Variants in ELF2 observed in about 807,000 individuals in gnomAD.
ELF2 encodes ETS-related transcription factor Elf-2.
A neutral mutation model predicts 54.8 loss-of-function variants in ELF2; 11 were observed. That is an observed-to-expected ratio of 0.20 (90% CI 0.13 to 0.33). The LOEUF (loss-of-function observed/expected upper bound fraction) is 0.33. Among genes scored for constraint, ELF2 ranks in the 10% least tolerant of loss-of-function variants. The pLI is 1.00. For synonymous variants in ELF2, 203 were observed against 245.1 expected (o/e 0.83, Z 1.61); for missense variants, 513 against 703.0 (o/e 0.73, Z 3.06).
At chr4:139,106,166 T>A (rs1169431046) in intron 4 of ELF2, among the ~76,000 whole-genome samples, 1 of 152,236 alleles carries the variant, frequency 6.6e-6, no homozygotes, top group Non-Finnish European at 1.5e-5. Context: ...ATATATTAAA[T>A]GTTCAGCCAA....
At chr4:139,094,717 GGAGA>G (rs1052990123) in intron 4 of ELF2, among the ~76,000 whole-genome samples, 4 of 86,004 alleles carry the variant, frequency 4.7e-5, no homozygotes, top group Non-Finnish European at 8.5e-5. Flanking sequence ...TATTTCTGAG[GGAGA>G]AAGATAAGAC....
At chr4:139,148,316 ATTTTTTTTTTTTT>A (rs772079635) in intron 1 of ELF2, among the ~76,000 whole-genome samples, 926 of 64,600 alleles carry the variant, frequency 0.014, 12 homozygotes, top group African/African-American at 0.05. Context: ...TACCTGGCTA[ATTTTTTTTTTTTT>A]TTTTTTTTTT....
At chr4:139,079,521 T>C (rs1466842732) in intron 4 of ELF2, among the ~76,000 whole-genome samples, 1 of 152,254 alleles carries the variant, frequency 6.6e-6, no homozygotes, top group Non-Finnish European at 1.5e-5. Flanking sequence ...GAAGCGCAGC[T>C]GTAATTCATC....
chr4:139,083,997 T>TC, intron 4 of ELF2: 2 of 1,449,598 alleles, frequency 1.4e-6, no homozygotes, highest in South Asian at 1.2e-5. Flanking sequence ...CTCCCCCCTT[T>TC]CCCCCAGCCG....
chr4:139,083,717 C>T (rs1005023732), intron 4 of ELF2, among the ~76,000 whole-genome samples: 47 of 152,362 alleles, frequency 3.1e-4, no homozygotes, highest in Middle Eastern at 3.4e-3. Flanking sequence ...AGCGGCCTCT[C>T]CGGCCAGACA....
At chr4:139,083,373 C>A (rs902208058) in intron 4 of ELF2, among the ~76,000 whole-genome samples, 1 of 152,146 alleles carries the variant, frequency 6.6e-6, no homozygotes, top group African/African-American at 2.4e-5. Context: ...CCTAAAAAAA[C>A]AACCCACGAG....
At chr4:139,155,546 A>G (rs544299739) in intron 1 of ELF2, 3 of 152,340 alleles carry the variant, frequency 2.0e-5, no homozygotes, top group Admixed American at 2.0e-4. Flanking sequence ...GGAGTTCGAG[A>G]CTAACCTGGA....
In ELF2 at chr4:139,060,331, C is replaced by A; in HGVS notation, c.1150G>T (p.Ala384Ser). 1 of 1,594,938 alleles carries A rather than the reference C, an allele frequency of 6.3e-7. No individual in the cohort carries two copies. Residue 384 changes from alanine (A) to serine (S), a missense_variant, in exon 9 of 10, where the codon GCT becomes TCT. Around this residue, in one of 3 missense-constraint regions of ELF2, gnomAD observed 291 missense variants for 366.1 expected, o/e 0.79. Coordinates refer to ENST00000686138, the MANE Select transcript of ELF2 (RefSeq NM_001331036.3). The stretch of plus-strand genomic sequence containing the variant: ...ATGGTTTGCTTCACTTACCTTGGAG[C>A]TGCTGTTGCTGACACAGATGCAGTG... ...TTTASVSATA[A>S]PRTVRVAMQV...
At chr4:139,148,551 C>T (rs992370003) in intron 1 of ELF2, among the ~76,000 whole-genome samples, 3 of 151,900 alleles carry the variant, frequency 2.0e-5, no homozygotes, top group Admixed American at 2.0e-4. Context: ...TTACATGTAA[C>T]ATCTGTTAGT....
chr4:139,137,024 T>G (rs1282554309), intron 3 of ELF2: 1 of 150,490 alleles, frequency 6.6e-6, no homozygotes, highest in Admixed American at 6.6e-5. Context: ...AGCCCCGGTA[T>G]TTCTACTACT....
chr4:139,139,308 T>A (rs1440438938), intron 2 of ELF2, 105 bp downstream of exon 2: 2 of 550,620 alleles, frequency 3.6e-6, no homozygotes, highest in Non-Finnish European at 5.3e-6. Context: ...AGTCTTTGTA[T>A]CTTAAGAAGA....
intron 3 of ELF2, among the ~76,000 whole-genome samples, chr4:139,132,696 A>ATGC (rs1172920122): frequency 1.3e-5 from 2 of 151,810 alleles, no homozygotes; most frequent in Non-Finnish European, 2.9e-5. Flanking sequence ...TATGGCGGTA[A>ATGC]TGCTCCTATG....
chr4:139,099,534 T>C (rs1733652503), intron 4 of ELF2, among the ~76,000 whole-genome samples: 1 of 152,126 alleles, frequency 6.6e-6, no homozygotes, highest in Non-Finnish European at 1.5e-5. Context: ...TTCCATCCTA[T>C]CCTCAAAAAG....
chr4:139,150,574 C>T (rs1485865870), intron 1 of ELF2, among the ~76,000 whole-genome samples: 1 of 151,042 alleles, frequency 6.6e-6, no homozygotes, highest in Admixed American at 6.6e-5. Flanking sequence ...TCAGCCAAGA[C>T]CCTCCTCAAG....
chr4:139,169,456 C>T (rs1742047624), intron 1 of ELF2, among the ~76,000 whole-genome samples: 1 of 152,106 alleles, frequency 6.6e-6, no homozygotes, highest in African/African-American at 2.4e-5. Flanking sequence ...GACATCTGCC[C>T]AGTAACTTCA....
chr4:139,072,192 A>G, intron 5 of ELF2, 153 bp from the exon 6 acceptor site: 3 of 687,996 alleles, frequency 4.4e-6, no homozygotes, highest in Non-Finnish European at 7.0e-6. Context: ...TGAATATTCG[A>G]TATGATTTAA....
intron 7 of ELF2, 68 bp downstream of exon 7, chr4:139,067,616 C>G: frequency 6.6e-7 from 1 of 1,516,560 alleles, no homozygotes; most frequent in Non-Finnish European, 9.1e-7. Flanking sequence ...AGTTTTCTTA[C>G]AAATACAAAA....
intron 4 of ELF2, among the ~76,000 whole-genome samples, chr4:139,092,495 C>T (rs1330349824): frequency 6.7e-6 from 1 of 149,438 alleles, no homozygotes; most frequent in African/African-American, 2.5e-5. Context: ...CGGTGGCTCA[C>T]ACCTCTAATC....
At chr4:139,127,598 C>T (rs1737050227) in intron 3 of ELF2, among the ~76,000 whole-genome samples, 1 of 152,046 alleles carries the variant, frequency 6.6e-6, no homozygotes, top group South Asian at 2.1e-4. Context: ...AAAACAATAG[C>T]ACCTCTGGAA....
Sources: gnomAD v4.1 joint callset for allele counts (sites outside exome capture counted in the v4.1 genomes callset) on GRCh38, gnomAD v4.1.1 for gene constraint, gnomAD v4.1.1 regional missense constraint, MANE v1.5 for transcripts, NCBI Gene and HGNC (gene_info 2026-07-23, HGNC 2026-07-21) for gene names.